KLF12: variants seen among roughly 807,000 people sequenced by gnomAD.
KLF12 encodes the protein KLF transcription factor 12.
KLF12 carries 9 observed loss-of-function variants against 37.8 expected under a neutral mutation model. That is an observed-to-expected ratio of 0.24 (90% confidence interval 0.14 to 0.42). The LOEUF is 0.42. Among genes scored for constraint, KLF12 ranks in the 10% least tolerant of loss-of-function variants. The pLI, the probability that KLF12 is intolerant of heterozygous loss-of-function variation, is 1.00. For synonymous variants in KLF12, 208 were observed against 202.1 expected (o/e 1.03, Z -0.25); for missense variants, 411 against 516.0 (o/e 0.80, Z 1.97).
At chr13:73,848,521 G>T (rs77163204) in intron 3 of KLF12, among the ~76,000 whole-genome samples, 2,413 of 148,550 alleles carry the variant, frequency 0.016, 33 homozygotes, top group Middle Eastern at 0.039. Flanking sequence ...GAACAACAGG[G>T]TTATACCTCA....
chr13:73,957,406 A>G (rs1285876867), intron 2 of KLF12, among the ~76,000 whole-genome samples: 1 of 152,236 alleles, frequency 6.6e-6, no homozygotes, highest in African/African-American at 2.4e-5. Flanking sequence ...ATGGAAACTG[A>G]AAGAAACCTG....
At position 73,849,375 on chromosome 13, in the gene KLF12, T is replaced by TAA. The variant is rs574332239; in HGVS notation, c.124-3004_124-3003dup. 2.7e-3 allele frequency among the ~76,000 whole-genome samples: 268 copies of TAA among 98,936 alleles called. 11 individuals carry two copies. The highest frequency in any genetic ancestry group is 0.012 in the African/African-American group (241 of 20,776). The allele number at this position is 98,936 out of a possible 152,430, so 64.9% of individuals were successfully genotyped here. Reference sequence around the variant, plus strand: ...GCTTGGGCAACAGAGGGAGACTCCATAAAAAAAAAAAAAAAAAAAAAAAAA... The same window carrying TAA: ...GCTTGGGCAACAGAGGGAGACTCCATAAAAAAAAAAAAAAAAAAAAAAAAAAA... On this transcript the variant is annotated intron_variant, in intron 3 of 7. Coordinates refer to ENST00000377669, the MANE Select transcript of KLF12 (RefSeq NM_007249.5).
At chr13:74,287,179 C>T in the KLF12 span, among the ~76,000 whole-genome samples, 1 of 152,094 alleles carries the variant, frequency 6.6e-6, no homozygotes, top group East Asian at 1.9e-4. Flanking sequence ...CTGCAGGCCA[C>T]TAGGTAAGGG....
intron 1 of KLF12, among the ~76,000 whole-genome samples, chr13:74,088,752 G>C (rs937451563): frequency 3.9e-5 from 6 of 152,168 alleles, no homozygotes; most frequent in African/African-American, 1.4e-4. Context: ...CTTCTGAAAA[G>C]TGAGAATGGT....
At chr13:73,930,247 G>T (rs1167457077) in intron 3 of KLF12, among the ~76,000 whole-genome samples, 1 of 152,146 alleles carries the variant, frequency 6.6e-6, no homozygotes, top group Admixed American at 6.5e-5. Flanking sequence ...TATCATAAAA[G>T]CATAGTCATA....
At chr13:74,188,497 T>C in the KLF12 span, among the ~76,000 whole-genome samples, 1 of 152,208 alleles carries the variant, frequency 6.6e-6, no homozygotes, top group African/African-American at 2.4e-5. Flanking sequence ...AATATGTTAT[T>C]GTTTCTTTTA....
rs1873945574 is a variant in KLF12, at chr13:73,693,721, G to A, written c.*1769C>T. 1 of 152,556 alleles carries A rather than the reference G, an allele frequency of 6.6e-6. No individual in the cohort carries two copies. Among genetic ancestry groups the A allele is most frequent in the Admixed American group, 6.6e-5 (1 of 15,264 alleles). 9.5% of individuals were successfully genotyped at this position (152,556 alleles called of 1,614,324 possible). On this transcript the variant is annotated 3_prime_UTR_variant, in exon 8 of 8. Transcript: ENST00000377669. ...TAATATGTGCAATTCCCAAAATCAA[G>A]TGTTTGTAATTAAAATATATTGCAA...
At chr13:73,881,089 C>A (rs1376953906) in intron 3 of KLF12, among the ~76,000 whole-genome samples, 3 of 151,780 alleles carry the variant, frequency 2.0e-5, no homozygotes, top group African/African-American at 7.3e-5. Context: ...GGAGTCTTTG[C>A]CAAGTGAAAA....
chr13:74,125,154 A>AAT (rs1555274240), intron 1 of KLF12, among the ~76,000 whole-genome samples: 44 of 143,284 alleles, frequency 3.1e-4, no homozygotes, highest in African/African-American at 1.0e-3. Flanking sequence ...CAAAAAAAAA[A>AAT]ATATATATAT....
At chr13:74,159,682 C>T in the KLF12 span, among the ~76,000 whole-genome samples, 963 of 152,204 alleles carry the variant, frequency 6.3e-3, 8 homozygotes, top group African/African-American at 0.021. Context: ...GCAAGATAGT[C>T]TCTGCTCTAA....
intron 2 of KLF12, among the ~76,000 whole-genome samples, chr13:73,960,028 C>T (rs1890971192): frequency 6.6e-6 from 1 of 152,186 alleles, no homozygotes; most frequent in Admixed American, 6.5e-5. Context: ...AACATCAGGC[C>T]TACAGGCATC....
the KLF12 span, among the ~76,000 whole-genome samples, chr13:74,199,232 T>A: frequency 6.6e-6 from 1 of 152,046 alleles, no homozygotes; most frequent in Non-Finnish European, 1.5e-5. Context: ...TCCTGACATA[T>A]CCGAAACCAT....
chr13:73,882,866 C>T (rs1422909864), intron 3 of KLF12, among the ~76,000 whole-genome samples: 1 of 152,142 alleles, frequency 6.6e-6, no homozygotes, highest in Non-Finnish European at 1.5e-5. Flanking sequence ...TAAACAGCAG[C>T]CTCATGTATA....
At chr13:74,243,688 C>T in the KLF12 span, among the ~76,000 whole-genome samples, 3 of 152,068 alleles carry the variant, frequency 2.0e-5, no homozygotes, top group Non-Finnish European at 4.4e-5. Flanking sequence ...TTTTGATTTG[C>T]GTTTCTCTAA....
At chr13:73,729,649 A>G (rs1169713710) in intron 6 of KLF12, among the ~76,000 whole-genome samples, 1 of 152,220 alleles carries the variant, frequency 6.6e-6, no homozygotes, top group Non-Finnish European at 1.5e-5. Context: ...ATATTTATTG[A>G]TGATTAAATA....
chr13:73,719,607 C>A (rs370721197), intron 6 of KLF12, among the ~76,000 whole-genome samples: 6 of 143,562 alleles, frequency 4.2e-5, no homozygotes, highest in Non-Finnish European at 4.6e-5. Context: ...CCCCGAGTTG[C>A]TTTTTTTTTT....
chr13:73,701,982 A>G (rs912125431), intron 7 of KLF12, among the ~76,000 whole-genome samples: 2 of 152,178 alleles, frequency 1.3e-5, no homozygotes, highest in African/African-American at 4.8e-5. Context: ...TTAAAGTGAA[A>G]TAGTCCTCTA....
At chr13:74,165,588 C>A in the KLF12 span, among the ~76,000 whole-genome samples, 1 of 152,144 alleles carries the variant, frequency 6.6e-6, no homozygotes, top group African/African-American at 2.4e-5. Flanking sequence ...AGTGAGCCAC[C>A]ACTTCCGGGC....
At chr13:73,953,970 CTTTTTTTTTTTTTT>C (rs67945624) in intron 2 of KLF12, among the ~76,000 whole-genome samples, 1 of 88,534 alleles carries the variant, frequency 1.1e-5, no homozygotes, top group Non-Finnish European at 2.2e-5. Context: ...TTTTTTCTTT[CTTTTTTTTTTTTTT>C]TTTTTTTTTT....
Sources: gnomAD v4.1 joint callset for allele counts (sites outside exome capture counted in the v4.1 genomes callset) on GRCh38, gnomAD v4.1.1 for gene constraint, MANE v1.5 for transcripts, NCBI Gene and HGNC (gene_info 2026-07-23, HGNC 2026-07-21) for gene names.